PCDHA1: variants seen among roughly 807,000 people sequenced by gnomAD.
PCDHA1 encodes the protein protocadherin alpha 1, also known as protocadherin alpha-1.
PCDHA1 carries 42 observed loss-of-function variants against 61.3 expected under a neutral mutation model. The observed-to-expected ratio is 0.69, with a 90% CI of 0.54 to 0.89. The LOEUF is 0.89. Among genes scored for constraint, PCDHA1 ranks in the 40% least tolerant of loss-of-function variants. PCDHA1 has a pLI of 0.00. For synonymous variants in PCDHA1, 610 were observed against 553.8 expected (o/e 1.10, Z -1.43); for missense variants, 1,256 against 1,235.3 (o/e 1.02, Z -0.25).
At chr5:140,805,174 C>T (rs1328978883) in intron 1 of PCDHA1, 2 of 1,510,004 alleles carry the variant, frequency 1.3e-6, no homozygotes, top group African/African-American at 1.4e-5. Flanking sequence ...TGTACTGATG[C>T]TATGCCAAAT....
Position 140,912,662 on chromosome 5 carries a change from T to C in PCDHA1, c.2395-66287T>C, listed in dbSNP as rs145118694. 1.9e-3 allele frequency among the ~76,000 whole-genome samples: 286 copies of C among 152,264 alleles called. 1 individual carries two copies. The highest frequency in any genetic ancestry group is 6.7e-3 in the African/African-American group (280 of 41,548). Reference sequence around the variant, plus strand: ...CTATGTTGAATAGAAGTGGTGAAAATGGGCATCCTTGACTTATTCCAGGTC... The same window carrying C: ...CTATGTTGAATAGAAGTGGTGAAAACGGGCATCCTTGACTTATTCCAGGTC... On this transcript the variant is annotated intron_variant, in intron 1 of 3. Coordinates refer to ENST00000504120, the MANE Select transcript of PCDHA1 (RefSeq NM_018900.4).
chr5:140,828,494 G>C (rs1333830874), intron 1 of PCDHA1: 1 of 1,614,144 alleles, frequency 6.2e-7, no homozygotes. Flanking sequence ...CTTGTTCCCG[G>C]TAGAGGAACA....
intron 1 of PCDHA1, among the ~76,000 whole-genome samples, chr5:140,892,282 ACTT>A (rs1405766060): frequency 1.3e-5 from 2 of 152,178 alleles, no homozygotes; most frequent in African/African-American, 4.8e-5. Flanking sequence ...TGTATTAAAC[ACTT>A]CTTCCTGGAA....
At chr5:140,987,635 G>A (rs2097262928) in intron 3 of PCDHA1, among the ~76,000 whole-genome samples, 3 of 152,176 alleles carry the variant, frequency 2.0e-5, no homozygotes, top group Non-Finnish European at 4.4e-5. Context: ...ATGAGATAAT[G>A]CACACATATT....
At chr5:140,812,568 T>C (rs1765138041) in intron 1 of PCDHA1, 1 of 152,174 alleles carries the variant, frequency 6.6e-6, no homozygotes, top group Non-Finnish European at 1.5e-5. Context: ...AGTTTTTTAT[T>C]TGAGATCTTT....
At chr5:140,956,403 A>C (rs1475566345) in intron 1 of PCDHA1, among the ~76,000 whole-genome samples, 1 of 152,178 alleles carries the variant, frequency 6.6e-6, no homozygotes, top group African/African-American at 2.4e-5. Context: ...ATCCATTGAG[A>C]TAATCATGTG....
chr5:140,889,662 C>T (rs1397086074), intron 1 of PCDHA1, among the ~76,000 whole-genome samples: 1 of 151,946 alleles, frequency 6.6e-6, no homozygotes, highest in Admixed American at 6.6e-5. Context: ...GTCCTCTTCC[C>T]AGCCTTTTAT....
intron 1 of PCDHA1, among the ~76,000 whole-genome samples, chr5:140,819,082 C>T (rs1766488207): frequency 6.6e-6 from 1 of 152,134 alleles, no homozygotes; most frequent in South Asian, 2.1e-4. Context: ...ACAGGCAGCG[C>T]TAAGATGTGT....
At chr5:140,897,682 A>G (rs1397590916) in intron 1 of PCDHA1, among the ~76,000 whole-genome samples, 3 of 152,186 alleles carry the variant, frequency 2.0e-5, no homozygotes, top group Non-Finnish European at 4.4e-5. Flanking sequence ...AGCATGATTT[A>G]TAGTCCTTTG....
intron 3 of PCDHA1, among the ~76,000 whole-genome samples, chr5:141,005,772 G>A (rs1554260355): frequency 6.9e-6 from 1 of 144,526 alleles, no homozygotes; most frequent in South Asian, 2.2e-4. Flanking sequence ...CAAACCAGAT[G>A]TGTAAAGATC....
At chr5:140,989,601 A>C (rs553140269) in intron 3 of PCDHA1, among the ~76,000 whole-genome samples, 14 of 152,318 alleles carry the variant, frequency 9.2e-5, no homozygotes, top group African/African-American at 3.4e-4. Flanking sequence ...ACACAAGTAA[A>C]CTAAAAATGA....
chr5:140,927,897 T>A, intron 1 of PCDHA1: 1 of 1,614,204 alleles, frequency 6.2e-7, no homozygotes, highest in African/African-American at 1.3e-5. Flanking sequence ...ACGTGAACGA[T>A]CATGCCCCCG....
chr5:140,851,882 G>A lies in PCDHA1; in HGVS notation c.2394+63198G>A. ...CATACATAACACAAGGCAGAAATCT[G>A]GATATGAGATTTGCCTCTTTAATGT... On this transcript the variant is annotated intron_variant, in intron 1 of 3. Transcript: ENST00000504120. The A allele has an allele frequency of 2.0e-6, 2 of 976,778 alleles. 1 individual carries two copies. Among genetic ancestry groups the A allele is most frequent in the Non-Finnish European group, 2.5e-6 (2 of 809,414 alleles). The allele number at this position is 976,778 out of a possible 1,614,324, so 60.5% of individuals were successfully genotyped here. A position where few individuals can be genotyped will look rare whatever the true frequency, so the allele number is the denominator to read the frequency against.
chr5:140,870,382 C>T, intron 1 of PCDHA1: 1 of 1,614,178 alleles, frequency 6.2e-7, no homozygotes, highest in Non-Finnish European at 8.5e-7. Context: ...GGTGACTGCG[C>T]GGGATGGGGG....
rs1221925609 is a variant in PCDHA1, at chr5:140,850,980, T to C, written c.2394+62296T>C. The C allele has an allele frequency of 2.1e-6, 3 of 1,453,332 alleles. 1 individual carries two copies. The highest frequency in any genetic ancestry group is 1.4e-5 in the African/African-American group (1 of 69,706). 90.0% of individuals were successfully genotyped at this position (1,453,332 alleles called of 1,614,324 possible). A position where few individuals can be genotyped will look rare whatever the true frequency, so the allele number is the denominator to read the frequency against. On this transcript the variant is annotated intron_variant, in intron 1 of 3. Coordinates refer to ENST00000504120, the MANE Select transcript of PCDHA1 (RefSeq NM_018900.4). ...CCCAGGGGCCGTTCAAATAGTTTTATTCATTTTTCTAGAAATCCAGCAGAT... is the reference window on the plus strand; with the variant it reads ...CCCAGGGGCCGTTCAAATAGTTTTACTCATTTTTCTAGAAATCCAGCAGAT...
Position 140,884,627 on chromosome 5 carries a change from G to C in PCDHA1, c.2395-94322G>C, listed in dbSNP as rs140550923. On this transcript the variant is annotated intron_variant, in intron 1 of 3. Transcript: ENST00000504120. ...TTGTCTGGGTTCTGCAGAGGGAACA[G>C]GCCAGAGGGAGGAGGACTCAGAATG... The C allele has an allele frequency of 4.8e-5, 77 of 1,612,780 alleles. No individual in the cohort carries two copies. In the African/African-American group the frequency reaches 8.8e-4, roughly 18 times the overall value.
chr5:140,864,177 A>G (rs2048351584), intron 1 of PCDHA1: 1 of 152,222 alleles, frequency 6.6e-6, no homozygotes, highest in Non-Finnish European at 1.5e-5. Context: ...AAGGATCATG[A>G]TGAATAATGA....
At chr5:141,007,015 A>G (rs1342063703) in intron 3 of PCDHA1, among the ~76,000 whole-genome samples, 1 of 152,210 alleles carries the variant, frequency 6.6e-6, no homozygotes, top group Non-Finnish European at 1.5e-5. Flanking sequence ...TCATCAGCTT[A>G]TTCATATGGT....
chr5:140,869,867 C>A (rs1554163562), intron 1 of PCDHA1: 7 of 1,609,988 alleles, frequency 4.3e-6, no homozygotes, highest in Non-Finnish European at 5.9e-6. Context: ...ATGGAAAATG[C>A]TGCTAAAGAA....
Sources: allele counts gnomAD v4.1 joint callset (sites outside exome capture counted in the v4.1 genomes callset), GRCh38; gene constraint gnomAD v4.1.1; transcripts MANE v1.5; gene names NCBI Gene and HGNC (gene_info 2026-07-23, HGNC 2026-07-21).